The following ARHGAP21 variants were observed in gnomAD, a reference collection of about 807,000 sequenced individuals.
The protein encoded by ARHGAP21 is Rho GTPase activating protein 21, also known as rho GTPase-activating protein 21.
Under a neutral mutation model 164.6 loss-of-function variants are expected in ARHGAP21, and 38 were observed. The ratio of observed to expected loss-of-function variants is 0.23; its 90% CI spans 0.18 to 0.30. The LOEUF (loss-of-function observed/expected upper bound fraction) is 0.30. ARHGAP21 is among the 10% of genes least tolerant of loss of function. ARHGAP21 has a pLI of 1.00. For synonymous variants in ARHGAP21, 766 were observed against 857.9 expected (o/e 0.89, Z 1.87); for missense variants, 1,822 against 2,370.7 (o/e 0.77, Z 4.81).
At position 24,584,017 on chromosome 10, in the gene ARHGAP21, A is replaced by T. The variant is rs1053265475; in HGVS notation, c.*395T>A. On this transcript the variant is annotated 3_prime_UTR_variant, in exon 26 of 26. Coordinates refer to ENST00000396432, the MANE Select transcript of ARHGAP21 (RefSeq NM_020824.4). ...ACGCATTCGTTTATTCAATGTAAGT[A>T]AGTTATCTAATTTTAACAATATGGC... 1 of 152,794 alleles carries T rather than the reference A, an allele frequency of 6.5e-6. No homozygotes were observed. Among genetic ancestry groups the T allele is most frequent in the Non-Finnish European group, 1.5e-5 (1 of 68,202 alleles). The allele number at this position is 152,794 out of a possible 1,614,324, so 9.5% of individuals were successfully genotyped here.
At chr10:24,721,389 A>G (rs1845915933) in intron 2 of ARHGAP21, among the ~76,000 whole-genome samples, 1 of 152,196 alleles carries the variant, frequency 6.6e-6, no homozygotes, top group East Asian at 1.9e-4. Context: ...GTACCAAAGA[A>G]AGACTAAGTT....
intron 2 of ARHGAP21, among the ~76,000 whole-genome samples, chr10:24,687,432 T>G (rs751036814): frequency 6.6e-6 from 1 of 152,236 alleles, no homozygotes; most frequent in Non-Finnish European, 1.5e-5. Context: ...AAAACATTGT[T>G]GGGGAATTGT....
At position 24,619,663 on chromosome 10, in the gene ARHGAP21, T is replaced by C. The variant is rs371690942; in HGVS notation, c.2232A>G (p.Gly744=). 3.7e-6 allele frequency: 6 copies of C among 1,614,144 alleles called. No homozygotes were observed. In the South Asian group the frequency reaches 5.5e-5, roughly 15 times the overall value. ...GCCTTAAAGGCTGCGGTGTCTGGCG[T>C]CCAGATGGAGGTTTTTCCCTTAGGA... ...AVILREKPPS[G]RQTPQPLRHQ... Residue 744 remains glycine, a synonymous_variant, in exon 9 of 26, where the codon GGA becomes GGG. Coordinates refer to ENST00000396432, the MANE Select transcript of ARHGAP21 (RefSeq NM_020824.4).
Position 24,620,069 on chromosome 10 carries a change from C to T in ARHGAP21, c.1826G>A (p.Arg609Gln), listed in dbSNP as rs141641049. The T allele has an allele frequency of 9.4e-4, 1,509 of 1,613,850 alleles. 15 individuals are homozygous for T. In the East Asian group the frequency reaches 0.027, roughly 29 times the overall value. Residue 609 changes from arginine (R) to glutamine (Q), a missense_variant, in exon 9 of 26, where the codon CGG becomes CAG. Physicochemically the swap from Arg to Gln is conservative, Grantham distance 43. This residue lies in a region of ARHGAP21 where 1,090 missense variants were observed against 1,378.9 expected (regional missense o/e 0.79). Coordinates refer to ENST00000396432, the MANE Select transcript of ARHGAP21 (RefSeq NM_020824.4). ...AGGTGACCTGTCTTGTGAAATACCC[C>T]GAGGCAGTGACATTCCACAAGTAGT... ...FQTTCGMSLP[R>Q]GISQDRSPLV...
At chr10:24,597,342 G>C (rs2076628343) in intron 16 of ARHGAP21, 105 bp downstream of exon 16, 1 of 1,401,210 alleles carries the variant, frequency 7.1e-7, no homozygotes, top group Admixed American at 2.4e-5. Flanking sequence ...TGAGCTAGTT[G>C]ACATGGGGCC....
intron 2 of ARHGAP21, among the ~76,000 whole-genome samples, chr10:24,715,804 T>C (rs1366639832): frequency 6.6e-6 from 1 of 151,868 alleles, no homozygotes; most frequent in Non-Finnish European, 1.5e-5. Flanking sequence ...AGATCAGGAG[T>C]TCGAGACCAG....
Position 24,586,101 on chromosome 10 carries a change from A to G in ARHGAP21, c.4188T>C (p.Ser1396=). The change falls in exon 26 of 26, where the codon TCT becomes TCC. Residue 1396 remains serine, a synonymous_variant. Transcript: ENST00000396432. ...TATACTGATCCTTTCCAGATCCCCA[A>G]GAACCCTGGGAAGCAAGAGAGAAGA... The part of the protein sequence containing the change: ...ATSDSTKSKG[S]WGSGKDQYSR... 6 of 1,579,428 alleles carry G rather than the reference A, an allele frequency of 3.8e-6. No individual in the cohort carries two copies. The highest frequency in any genetic ancestry group is 3.8e-5 in the Admixed American group (2 of 52,072).
At chr10:24,653,199 C>G (rs1838382553) in intron 4 of ARHGAP21, among the ~76,000 whole-genome samples, 1 of 152,190 alleles carries the variant, frequency 6.6e-6, no homozygotes, top group South Asian at 2.1e-4. Flanking sequence ...ATTATGCTAA[C>G]AAGTTCCCTG....
intron 4 of ARHGAP21, among the ~76,000 whole-genome samples, chr10:24,658,696 GA>G (rs2131641121): frequency 6.6e-6 from 1 of 152,144 alleles, no homozygotes; most frequent in Non-Finnish European, 1.5e-5. Flanking sequence ...GGGGAGAGAG[GA>G]GGCATAGCAT....
intron 9 of ARHGAP21, among the ~76,000 whole-genome samples, chr10:24,608,229 A>C (rs1455126565): frequency 1.3e-5 from 2 of 152,216 alleles, no homozygotes; most frequent in African/African-American, 4.8e-5. Flanking sequence ...TAATCATGTA[A>C]CACCCTGAAA....
chr10:24,621,870 C>T (rs1185724160), intron 8 of ARHGAP21, among the ~76,000 whole-genome samples: 13 of 152,080 alleles, frequency 8.5e-5, no homozygotes, highest in Non-Finnish European at 4.4e-5. Context: ...ATTACAGAGT[C>T]CCTAAGAATA....
chr10:24,681,855 T>G (rs1025327834), intron 2 of ARHGAP21, among the ~76,000 whole-genome samples: 5 of 152,136 alleles, frequency 3.3e-5, no homozygotes, highest in Admixed American at 1.3e-4. Context: ...GACCGTCACC[T>G]GGCTCGTTTT....
At chr10:24,653,257 G>A (rs1838389830) in intron 4 of ARHGAP21, among the ~76,000 whole-genome samples, 1 of 152,030 alleles carries the variant, frequency 6.6e-6, no homozygotes, top group Admixed American at 6.5e-5. Flanking sequence ...GTTTAGAAGA[G>A]GATTTTGTTT....
intron 9 of ARHGAP21, among the ~76,000 whole-genome samples, chr10:24,612,680 C>T (rs1293010100): frequency 1.3e-5 from 2 of 151,584 alleles, no homozygotes; most frequent in Non-Finnish European, 2.9e-5. Context: ...CGGTGAAACC[C>T]CGTCTCTACT....
At chr10:24,628,896 TAC>T (rs1835460120) in intron 7 of ARHGAP21, 1 of 90,458 alleles carries the variant, frequency 1.1e-5, no homozygotes, top group African/African-American at 4.0e-5. Flanking sequence ...TATATATACA[TAC>T]ATATATACAC....
chr10:24,633,422 T>C lies in ARHGAP21; in HGVS notation c.420A>G (p.Val140=). Residue 140 remains valine (V), a synonymous_variant, in exon 6 of 26, where the codon GTA becomes GTG. Coordinates refer to ENST00000396432, the MANE Select transcript of ARHGAP21 (RefSeq NM_020824.4). ...ESVIGKTYSQ[V]IALIQNSDTT... is the part of the protein sequence containing the mutation. ...CTTACCTGTTTTGAATTAAAGCAAT[T>C]ACTTGGGAATAGGTTTTGCCAATAA... 6.2e-7 allele frequency: 1 copy of C among 1,610,468 alleles called. No individual in the cohort carries two copies. Among genetic ancestry groups the C allele is most frequent in the Non-Finnish European group, 8.5e-7 (1 of 1,177,910 alleles).
At chr10:24,666,485 C>G (rs532911779) in intron 4 of ARHGAP21, among the ~76,000 whole-genome samples, 1 of 152,280 alleles carries the variant, frequency 6.6e-6, no homozygotes, top group Non-Finnish European at 1.5e-5. Flanking sequence ...TTAACTCATT[C>G]AAGTTGATTT....
Position 24,624,810 on chromosome 10 carries a change from A to G in ARHGAP21, c.496-2048T>C, listed in dbSNP as rs573038387. 3.8e-4 allele frequency among the ~76,000 whole-genome samples: 58 copies of G among 152,208 alleles called. No homozygotes were observed. The South Asian group carries it at 0.012, about 31-fold the overall frequency. On this transcript the variant is annotated intron_variant, in intron 7 of 25. Coordinates refer to ENST00000396432, the MANE Select transcript of ARHGAP21 (RefSeq NM_020824.4). ...TATGAAAGTGTTTTGATAGAATCAGACAACATTTAAATTTTTCCCAATTTA... is the reference window on the plus strand; with the variant it reads ...TATGAAAGTGTTTTGATAGAATCAGGCAACATTTAAATTTTTCCCAATTTA...
intron 16 of ARHGAP21, 123 bp downstream of exon 16, chr10:24,597,324 A>T: frequency 7.8e-7 from 1 of 1,276,832 alleles, no homozygotes; most frequent in Non-Finnish European, 1.1e-6. Context: ...CAAGCCTACT[A>T]TGAATTTTGA....
Sources: allele counts gnomAD v4.1 joint callset (sites outside exome capture counted in the v4.1 genomes callset), GRCh38; gene constraint gnomAD v4.1.1; regional missense constraint gnomAD v4.1.1; transcripts MANE v1.5; gene names NCBI Gene and HGNC (gene_info 2026-07-23, HGNC 2026-07-21).